CACNG2: variants seen among roughly 807,000 people sequenced by gnomAD.
CACNG2 encodes the protein voltage-dependent calcium channel gamma-2 subunit.
CACNG2 carries 3 observed loss-of-function variants against 25.9 expected under a neutral mutation model. The observed-to-expected ratio is 0.12, with a 90% CI of 0.05 to 0.30. The LOEUF is 0.30. CACNG2 is among the 10% of genes least tolerant of loss of function. The probability of loss-of-function intolerance (pLI) is 1.00; values close to 1 mark genes in which losing one functional copy is unlikely to be tolerated. For synonymous variants in CACNG2, 167 were observed against 173.3 expected, an observed-to-expected ratio of 0.96 and a Z score of 0.29; for missense variants, 341 against 432.5, an observed-to-expected ratio of 0.79 and a Z score of 1.88.
At chr22:36,571,807 G>A (rs1935230958) in intron 2 of CACNG2, among the ~76,000 whole-genome samples, 1 of 150,768 alleles carries the variant, frequency 6.6e-6, no homozygotes, top group African/African-American at 2.5e-5. Context: ...AACGCGGGAG[G>A]CAGAGGTTGC....
In CACNG2 at chr22:36,676,932, T is replaced by TGTGTGTGTGTGTGTGTGTGTGTG. The variant is rs1937027309; in HGVS notation, c.211+25433_211+25434insCACACACACACACACACACACAC. Reference sequence around the variant, plus strand: ...GCCTCTCTTTCTGCTTCTTCTAATATTGTGTGTGTGTGTGTGTGTGTGTGT... The same window carrying TGTGTGTGTGTGTGTGTGTGTGTG: ...GCCTCTCTTTCTGCTTCTTCTAATATGTGTGTGTGTGTGTGTGTGTGTGTGTGTGTGTGTGTGTGTGTGTGTGT... On this transcript the variant is annotated intron_variant, in intron 1 of 3. Coordinates refer to ENST00000300105, the MANE Select transcript of CACNG2 (RefSeq NM_006078.5). Among the ~76,000 whole-genome samples, 4 of 141,762 alleles carry TGTGTGTGTGTGTGTGTGTGTGTG rather than the reference T, an allele frequency of 2.8e-5. No homozygotes were observed. The East Asian group carries it at 8.3e-4, about 29-fold the overall frequency. The allele number at this position is 141,762 out of a possible 152,430, so 93.0% of individuals were successfully genotyped here.
At chr22:36,614,882 G>A (rs12160203) in intron 1 of CACNG2, among the ~76,000 whole-genome samples, 7,567 of 152,282 alleles carry the variant, frequency 0.05, 330 homozygotes, top group African/African-American at 0.11. Flanking sequence ...TGGACTTACT[G>A]CACATGGAGA....
At chr22:36,620,492 T>C (rs1230752756) in intron 1 of CACNG2, among the ~76,000 whole-genome samples, 1 of 152,274 alleles carries the variant, frequency 6.6e-6, no homozygotes, top group Non-Finnish European at 1.5e-5. Flanking sequence ...AGAAAATCTG[T>C]TCTGCTTCTT....
chr22:36,567,828 G>A (rs1158840595), intron 2 of CACNG2, among the ~76,000 whole-genome samples: 1 of 152,102 alleles, frequency 6.6e-6, no homozygotes, highest in Non-Finnish European at 1.5e-5. Context: ...TTGAGGCAGG[G>A]GTGAGGGAAA....
chr22:36,594,783 CTGTG>C (rs767482884), intron 1 of CACNG2, among the ~76,000 whole-genome samples: 16 of 111,764 alleles, frequency 1.4e-4, no homozygotes, highest in Middle Eastern at 6.6e-3. Context: ...GTGTGTGTGT[CTGTG>C]TGTGTGTCTT....
rs193111282 is a variant in CACNG2 at position 36,637,028 on chromosome 22, G to T, written c.212-49480C>A. ...AAGGACCCAGGGATTAACGTCCAGG[G>T]CGTTAACATCATAATTGGGCCAGCC... On this transcript the variant is annotated intron_variant, in intron 1 of 3. Coordinates refer to ENST00000300105, the MANE Select transcript of CACNG2 (RefSeq NM_006078.5). Among the ~76,000 whole-genome samples the T allele has an allele frequency of 6.6e-5, 10 of 152,338 alleles. No homozygotes were observed. In the East Asian group the frequency reaches 1.7e-3, roughly 26 times the overall value.
chr22:36,668,629 C>G (rs917756829), intron 1 of CACNG2, among the ~76,000 whole-genome samples: 14 of 152,038 alleles, frequency 9.2e-5, no homozygotes, highest in Admixed American at 7.9e-4. Context: ...GCTGGGACTA[C>G]AGGTGCACAC....
At chr22:36,579,211 C>T (rs1237953502) in intron 2 of CACNG2, among the ~76,000 whole-genome samples, 1 of 151,918 alleles carries the variant, frequency 6.6e-6, no homozygotes, top group East Asian at 1.9e-4. Context: ...TTGAGACCAG[C>T]CTGACCAACA....
At chr22:36,680,976 T>G (rs1340853210) in intron 1 of CACNG2, among the ~76,000 whole-genome samples, 3 of 152,034 alleles carry the variant, frequency 2.0e-5, no homozygotes, top group African/African-American at 7.3e-5. Context: ...TCCTGTCAAC[T>G]TCTTTATTTA....
intron 1 of CACNG2, among the ~76,000 whole-genome samples, chr22:36,628,199 G>A (rs1035594571): frequency 3.3e-5 from 5 of 152,152 alleles, no homozygotes; most frequent in Admixed American, 6.5e-5. Flanking sequence ...AATAATGTGT[G>A]CTATTTATAA....
At chr22:36,645,113 A>G (rs1936498774) in intron 1 of CACNG2, among the ~76,000 whole-genome samples, 1 of 152,220 alleles carries the variant, frequency 6.6e-6, no homozygotes, top group South Asian at 2.1e-4. Flanking sequence ...GTTTTTAAAC[A>G]ACATCTGTTC....
At chr22:36,686,367 G>C (rs1467614350) in intron 1 of CACNG2, among the ~76,000 whole-genome samples, 1 of 152,198 alleles carries the variant, frequency 6.6e-6, no homozygotes, top group African/African-American at 2.4e-5. Context: ...GCTGTTTCAG[G>C]CTTCTCTTCG....
intron 1 of CACNG2, among the ~76,000 whole-genome samples, chr22:36,656,998 C>T (rs146121696): frequency 6.6e-6 from 1 of 152,314 alleles, no homozygotes; most frequent in African/African-American, 2.4e-5. Context: ...CTTTTGTTTG[C>T]TCTGTCCATG....
At chr22:36,690,030 G>A (rs1004767810) in intron 1 of CACNG2, among the ~76,000 whole-genome samples, 1 of 152,222 alleles carries the variant, frequency 6.6e-6, no homozygotes, top group Admixed American at 6.5e-5. Flanking sequence ...ACAGATGCAC[G>A]GCTTTCTTCC....
In CACNG2 at chr22:36,703,747, A is replaced by G. The variant is rs1937446663; in HGVS notation, c.-1171T>C. Among the ~76,000 whole-genome samples, 1 of 113,074 alleles carries G rather than the reference A, an allele frequency of 8.8e-6. No individual in the cohort carries two copies. Among genetic ancestry groups the G allele is most frequent in the Non-Finnish European group, 1.8e-5 (1 of 54,640 alleles). 74.2% of individuals were successfully genotyped at this position (113,074 alleles called of 152,430 possible). Reference sequence around the variant, plus strand: ...CCGGAGCTTAGAGGAAGGCGTAGCTAGAGATAGCTCGCGCTCTCTCTCTCT... The same window carrying G: ...CCGGAGCTTAGAGGAAGGCGTAGCTGGAGATAGCTCGCGCTCTCTCTCTCT... On this transcript the variant is annotated 5_prime_UTR_variant, in exon 1 of 4. Coordinates refer to ENST00000300105, the MANE Select transcript of CACNG2 (RefSeq NM_006078.5).
intron 1 of CACNG2, among the ~76,000 whole-genome samples, chr22:36,609,208 A>G: frequency 6.8e-6 from 1 of 147,838 alleles, no homozygotes; most frequent in East Asian, 2.0e-4. Context: ...GGCAGGAATC[A>G]GCACCCCCAG....
At chr22:36,695,359 C>T (rs1937324070) in intron 1 of CACNG2, among the ~76,000 whole-genome samples, 1 of 152,128 alleles carries the variant, frequency 6.6e-6, no homozygotes, top group Non-Finnish European at 1.5e-5. Context: ...CAAGGTCACA[C>T]AGCTTATAAG....
intron 1 of CACNG2, among the ~76,000 whole-genome samples, chr22:36,688,199 ACT>A (rs1037050988): frequency 2.6e-5 from 4 of 151,894 alleles, no homozygotes; most frequent in African/African-American, 9.7e-5. Flanking sequence ...GGGGAAAATC[ACT>A]CTTTCTTCTT....
At chr22:36,622,780 G>C (rs771533067) in intron 1 of CACNG2, among the ~76,000 whole-genome samples, 6 of 151,936 alleles carry the variant, frequency 3.9e-5, no homozygotes, top group Non-Finnish European at 7.4e-5. Flanking sequence ...CCAACATGGA[G>C]AAACCCCGTC....
Sources: allele counts gnomAD v4.1 joint callset (sites outside exome capture counted in the v4.1 genomes callset), GRCh38; gene constraint gnomAD v4.1.1; transcripts MANE v1.5; gene names NCBI Gene and HGNC (gene_info 2026-07-23, HGNC 2026-07-21).